GFM2: variants seen among roughly 807,000 people sequenced by gnomAD.
The protein encoded by GFM2 is GTP dependent ribosome recycling factor mitochondrial 2, also known as ribosome-releasing factor 2, mitochondrial.
GFM2 carries 72 observed loss-of-function variants against 95.4 expected under a neutral mutation model. The observed-to-expected ratio is 0.76, with a 90% CI of 0.62 to 0.92. The LOEUF (loss-of-function observed/expected upper bound fraction) is 0.92, where lower values mean the gene tolerates loss of function less well. GFM2 is among the 40% of genes least tolerant of loss of function. The pLI, the probability that GFM2 is intolerant of heterozygous loss-of-function variation, is 0.00. For synonymous variants in GFM2, 276 were observed against 317.5 expected (o/e 0.87, Z 1.39); for missense variants, 825 against 924.1 (o/e 0.89, Z 1.39).
At chr5:74,758,821 G>C in intron 5 of GFM2, 28 bp downstream of exon 5, 1 of 1,330,780 alleles carries the variant, frequency 7.5e-7, no homozygotes, top group Non-Finnish European at 1.1e-6. Context: ...CTAATGGGGG[G>C]GTGGGAAGAG....
chr5:74,759,268 G>GCGAGACTCCGTCTCAAAAAA lies in GFM2; in HGVS notation c.206+100_206+101insTTTTTTGAGACGGAGTCTCG, dbSNP rs1561263191. ...CATCTACTTAAAATTGGCTAGGGCAGAAAGTCATAGAAATTACAGCATTCA... is the reference window on the plus strand; with the variant it reads ...CATCTACTTAAAATTGGCTAGGGCAGCGAGACTCCGTCTCAAAAAAAAAGTCATAGAAATTACAGCATTCA... On this transcript the variant is annotated intron_variant, in intron 4 of 20. Coordinates refer to ENST00000296805, the MANE Select transcript of GFM2 (RefSeq NM_032380.5). 1.4e-5 allele frequency: 10 copies of GCGAGACTCCGTCTCAAAAAA among 727,632 alleles called. No homozygotes were observed. In the African/African-American group the frequency reaches 1.8e-4, roughly 13 times the overall value. The allele number at this position is 727,632 out of a possible 1,614,324, so 45.1% of individuals were successfully genotyped here.
chr5:74,752,426 CACAT>C (rs1255296831), intron 5 of GFM2, among the ~76,000 whole-genome samples: 2 of 152,074 alleles, frequency 1.3e-5, no homozygotes, highest in African/African-American at 4.8e-5. Context: ...TGTATACACA[CACAT>C]AGTCTAAACA....
chr5:74,759,974 T>A (rs865882717), intron 3 of GFM2, among the ~76,000 whole-genome samples: 19 of 152,140 alleles, frequency 1.2e-4, no homozygotes, highest in Admixed American at 3.3e-4. Flanking sequence ...TTAATACTTT[T>A]GAAAGGCCAA....
intron 5 of GFM2, 82 bp downstream of exon 5, chr5:74,758,767 G>A: frequency 1.2e-6 from 1 of 813,582 alleles, no homozygotes. Flanking sequence ...TTCAAGGTGT[G>A]TAAGTTGACT....
In GFM2 at chr5:74,766,939, T is replaced by G. The variant is rs369299315; in HGVS notation, c.-26A>C. The G allele has an allele frequency of 1.2e-4, 21 of 176,996 alleles. No individual in the cohort carries two copies. The East Asian group carries it at 1.9e-3, about 16-fold the overall frequency. The allele number at this position is 176,996 out of a possible 1,614,324, so 11.0% of individuals were successfully genotyped here. On this transcript the variant is annotated splice_region_variant and 5_prime_UTR_variant, in exon 1 of 21. Transcript: ENST00000296805. ...CTCACAGCTCGGAGCAGTACTCACC[T>G]GGCATTAGGCCGCGTGCCGCAGGCC...
intron 16 of GFM2, among the ~76,000 whole-genome samples, chr5:74,732,438 C>G (rs1372063180): frequency 1.3e-5 from 2 of 151,998 alleles, no homozygotes; most frequent in African/African-American, 4.8e-5. Context: ...TTAAGAAACT[C>G]CTTCTAAAAT....
intron 5 of GFM2, among the ~76,000 whole-genome samples, chr5:74,755,374 C>T (rs1440272919): frequency 6.6e-6 from 1 of 152,018 alleles, no homozygotes; most frequent in African/African-American, 2.4e-5. Flanking sequence ...AATTAAATAA[C>T]CTGCTCCTGA....
chr5:74,721,726 G>A lies in GFM2; in HGVS notation c.2269C>T (p.Leu757=), dbSNP rs1749892827. Residue 757 remains leucine, a synonymous_variant, in exon 21 of 21, where the codon CTA becomes TTA. Transcript: ENST00000296805. ...TSGSATFALE[L]STYQAMNPQD... ...GGATTCATGGCTTGATAAGTAGATA[G>A]TTCTAAGGCAAAAGTAGCTGAGCCT... 1 of 1,613,672 alleles carries A rather than the reference G, an allele frequency of 6.2e-7. No homozygotes were observed. Among genetic ancestry groups the A allele is most frequent in the Non-Finnish European group, 8.5e-7 (1 of 1,179,714 alleles).
chr5:74,741,681 T>C, intron 10 of GFM2, 72 bp from the exon 11 acceptor site: 1 of 733,754 alleles, frequency 1.4e-6, no homozygotes, highest in Non-Finnish European at 2.3e-6. Context: ...CCAAACACCA[T>C]AAACAGACAA....
At chr5:74,755,146 A>G (rs1489925571) in intron 5 of GFM2, among the ~76,000 whole-genome samples, 1 of 152,156 alleles carries the variant, frequency 6.6e-6, no homozygotes, top group Non-Finnish European at 1.5e-5. Context: ...AAGACTTAAT[A>G]AATATTTACA....
In GFM2 at chr5:74,740,134, G is replaced by A; in HGVS notation, c.934C>T (p.Gln312Ter). ...AGTGTCACTCTATGTATTGCAGTCT[G>A]TAGCTACAGAGCAGAGATACAAATG... ...NFDLLPAEKL[Q>*]TAIHRVTLAQ... is the part of the protein sequence containing the mutation. The change falls in exon 12 of 21, where the codon CAG becomes TAG. Residue 312 changes from glutamine (Q) to a stop codon, truncating the protein, a stop_gained. Coordinates refer to ENST00000296805, the MANE Select transcript of GFM2 (RefSeq NM_032380.5). LOFTEE classifies it high-confidence loss of function. 6.3e-7 allele frequency: 1 copy of A among 1,596,020 alleles called. No homozygotes were observed. The highest frequency in any genetic ancestry group is 8.5e-7 in the Non-Finnish European group (1 of 1,173,824).
chr5:74,732,842 A>G (rs1242806923), intron 16 of GFM2, among the ~76,000 whole-genome samples, 180 bp downstream of exon 16: 1 of 152,096 alleles, frequency 6.6e-6, no homozygotes, highest in African/African-American at 2.4e-5. Context: ...ATTTAGCTTG[A>G]TAGTCAACAT....
At chr5:74,733,570 C>T (rs1011229793) in intron 15 of GFM2, among the ~76,000 whole-genome samples, 1 of 152,108 alleles carries the variant, frequency 6.6e-6, no homozygotes, top group Admixed American at 6.5e-5. Flanking sequence ...AGCAAGAAGA[C>T]TAGCAGCTAG....
In GFM2 at chr5:74,746,091, A is replaced by G. The variant is rs996008392; in HGVS notation, c.669+14T>C. 4 of 1,516,992 alleles carry G rather than the reference A, an allele frequency of 2.6e-6. No homozygotes were observed. Among genetic ancestry groups the G allele is most frequent in the Non-Finnish European group, 3.6e-6 (4 of 1,123,122 alleles). The allele number at this position is 1,516,992 out of a possible 1,614,324, so 94.0% of individuals were successfully genotyped here. On this transcript the variant is annotated intron_variant, in intron 9 of 20. Transcript: ENST00000296805. Reference sequence around the variant, plus strand: ...AGGAAACTGAGAAGAAGCTGATGCTATTAACCAATTTACCTGTAAAAGCAA... The same window carrying G: ...AGGAAACTGAGAAGAAGCTGATGCTGTTAACCAATTTACCTGTAAAAGCAA...
chr5:74,726,354 ATTGTT>A (rs1293147642), intron 17 of GFM2, among the ~76,000 whole-genome samples: 4 of 152,192 alleles, frequency 2.6e-5, no homozygotes, highest in African/African-American at 7.2e-5. Flanking sequence ...TGTATCACCT[ATTGTT>A]TTAACATTAA....
At chr5:74,759,767 C>G (rs1264495239) in intron 3 of GFM2, among the ~76,000 whole-genome samples, 1 of 152,028 alleles carries the variant, frequency 6.6e-6, no homozygotes. Flanking sequence ...AGGCAATGAT[C>G]CTGAATCAAA....
intron 8 of GFM2, among the ~76,000 whole-genome samples, chr5:74,746,489 T>C (rs1300435880): frequency 2.0e-5 from 3 of 152,198 alleles, no homozygotes; most frequent in African/African-American, 7.2e-5. Context: ...TAAAGTGCAG[T>C]TGGGATTCCA....
chr5:74,746,423 G>C (rs561525522), intron 8 of GFM2, among the ~76,000 whole-genome samples: 1 of 152,094 alleles, frequency 6.6e-6, no homozygotes, highest in Non-Finnish European at 1.5e-5. Flanking sequence ...TGTGAGCTTC[G>C]CATAACTATA....
In GFM2 at chr5:74,759,404, T is replaced by A; in HGVS notation, c.171A>T (p.Lys57Asn). The change falls in exon 4 of 21, where the codon AAA becomes AAT. Residue 57 changes from lysine (K) to asparagine (N), a missense_variant. Lys to Asn is a moderately conservative substitution (Grantham distance 94, BLOSUM62 0). Coordinates refer to ENST00000296805, the MANE Select transcript of GFM2 (RefSeq NM_032380.5). ...GAGGATTGATGATGGAATGAAGGGA[T>A]TTGATATCATTTCCTATTAAGCCTA... ...SLPGLIGNDI[K>N]SLHSIINPPI... is the part of the protein sequence containing the mutation. The A allele has an allele frequency of 1.3e-6, 2 of 1,525,988 alleles. No homozygotes were observed. The highest frequency in any genetic ancestry group is 1.8e-6 in the Non-Finnish European group (2 of 1,104,786). 94.5% of individuals were successfully genotyped at this position (1,525,988 alleles called of 1,614,324 possible).
Sources: allele counts gnomAD v4.1 joint callset (sites outside exome capture counted in the v4.1 genomes callset), GRCh38; gene constraint gnomAD v4.1.1; transcripts MANE v1.5; gene names NCBI Gene and HGNC (gene_info 2026-07-23, HGNC 2026-07-21).